PRDM5: variants seen among roughly 807,000 people sequenced by gnomAD.
PRDM5 encodes PR domain zinc finger protein 5.
PRDM5 carries 56 observed loss-of-function variants against 81.2 expected under a neutral mutation model. The ratio of observed to expected loss-of-function variants is 0.69; its 90% CI spans 0.56 to 0.86. The LOEUF is 0.86. PRDM5 is among the 40% of genes least tolerant of loss of function. The pLI is 0.00. For missense variants in PRDM5, 697 were observed against 770.1 expected (o/e 0.91, Z 1.12); for synonymous variants, 267 against 256.4 (o/e 1.04, Z -0.39).
At position 120,695,288 on chromosome 4, in the gene PRDM5, C is replaced by A. The variant is rs2148984960; in HGVS notation, c.1729-13G>T. Reference sequence around the variant, plus strand: ...CCAAATCACAAACCTAGAAAAGACCCAAAGACCAACCATATTATACTGAAA... The same window carrying A: ...CCAAATCACAAACCTAGAAAAGACCAAAAGACCAACCATATTATACTGAAA... On this transcript the variant is annotated splice_polypyrimidine_tract_variant and intron_variant, in intron 15 of 15. Coordinates refer to ENST00000264808, the MANE Select transcript of PRDM5 (RefSeq NM_018699.4). 6.2e-7 allele frequency: 1 copy of A among 1,612,886 alleles called. No homozygotes were observed. Among genetic ancestry groups the A allele is most frequent in the Non-Finnish European group, 8.5e-7 (1 of 1,179,326 alleles).
chr4:120,827,198 A>T (rs1420273781), intron 3 of PRDM5, among the ~76,000 whole-genome samples: 1 of 152,202 alleles, frequency 6.6e-6, no homozygotes, highest in Non-Finnish European at 1.5e-5. Context: ...GCTGAAAAAC[A>T]ATAGCAGTGG....
At chr4:120,729,307 C>G (rs897327376) in intron 14 of PRDM5, among the ~76,000 whole-genome samples, 3 of 152,070 alleles carry the variant, frequency 2.0e-5, no homozygotes, top group Admixed American at 6.5e-5. Flanking sequence ...AATGAATGAC[C>G]TTTACCCTTA....
chr4:120,870,751 C>A (rs1370487802), intron 2 of PRDM5, among the ~76,000 whole-genome samples: 1 of 152,182 alleles, frequency 6.6e-6, no homozygotes, highest in Admixed American at 6.5e-5. Context: ...CTCCGTGTGA[C>A]ATTTGGTGGC....
chr4:120,776,544 C>T (rs907295), intron 13 of PRDM5, among the ~76,000 whole-genome samples: 111,914 of 151,918 alleles, frequency 0.74, 41,470 homozygotes, highest in East Asian at 0.85. Flanking sequence ...AATCATCTGG[C>T]TATCAATATT....
At chr4:120,764,847 T>G (rs1746154393) in intron 13 of PRDM5, among the ~76,000 whole-genome samples, 1 of 152,220 alleles carries the variant, frequency 6.6e-6, no homozygotes, top group African/African-American at 2.4e-5. Flanking sequence ...ATATTTGATT[T>G]GGTTTAATGT....
chr4:120,803,131 A>G (rs1357392596), intron 8 of PRDM5, among the ~76,000 whole-genome samples: 1 of 152,194 alleles, frequency 6.6e-6, no homozygotes, highest in Admixed American at 6.5e-5. Context: ...AATGGATGAA[A>G]TGAAGCGAGA....
chr4:120,894,535 C>A (rs1764407272), intron 2 of PRDM5, among the ~76,000 whole-genome samples: 1 of 152,092 alleles, frequency 6.6e-6, no homozygotes, highest in Non-Finnish European at 1.5e-5. Context: ...CTTTATTTGC[C>A]TTTAAAGTTT....
At chr4:120,918,339 G>A (rs886508137) in intron 1 of PRDM5, among the ~76,000 whole-genome samples, 6 of 151,958 alleles carry the variant, frequency 3.9e-5, no homozygotes, top group Middle Eastern at 3.4e-3. Flanking sequence ...AGTTATCATC[G>A]GCCACCAGGA....
intron 1 of PRDM5, among the ~76,000 whole-genome samples, chr4:120,915,347 A>C (rs1163615435): frequency 6.6e-6 from 1 of 152,204 alleles, no homozygotes; most frequent in Non-Finnish European, 1.5e-5. Flanking sequence ...CTAAAGGAGG[A>C]ATGTGAGACA....
intron 2 of PRDM5, among the ~76,000 whole-genome samples, chr4:120,904,737 A>G (rs1208987740): frequency 3.3e-5 from 5 of 152,206 alleles, no homozygotes; most frequent in Non-Finnish European, 5.9e-5. Context: ...TGTTTCCTAT[A>G]TGCAAGTCTT....
chr4:120,835,720 C>A (rs1757279128), intron 3 of PRDM5, among the ~76,000 whole-genome samples: 1 of 151,936 alleles, frequency 6.6e-6, no homozygotes, highest in Non-Finnish European at 1.5e-5. Context: ...TTCCCAGTCT[C>A]TGGTACATCT....
chr4:120,711,220 C>T (rs4518271), intron 14 of PRDM5, among the ~76,000 whole-genome samples: 3 of 152,124 alleles, frequency 2.0e-5, no homozygotes, highest in African/African-American at 7.2e-5. Context: ...AGAGGAATTC[C>T]TAGAAATAAA....
intron 1 of PRDM5, among the ~76,000 whole-genome samples, chr4:120,909,570 TA>T (rs1766247712): frequency 6.6e-6 from 1 of 152,058 alleles, no homozygotes; most frequent in Non-Finnish European, 1.5e-5. Flanking sequence ...CTTTCCAAAG[TA>T]ACTGATCTAT....
chr4:120,839,263 C>T (rs914011714), intron 3 of PRDM5: 1 of 703,078 alleles, frequency 1.4e-6, no homozygotes, highest in African/African-American at 1.7e-5. Flanking sequence ...CGGCGGGTCC[C>T]AAATTCTTGT....
At chr4:120,804,358 C>T (rs1752594196) in intron 8 of PRDM5, among the ~76,000 whole-genome samples, 1 of 151,838 alleles carries the variant, frequency 6.6e-6, no homozygotes, top group Non-Finnish European at 1.5e-5. Flanking sequence ...ACCTAATAGA[C>T]ATCTACAGAA....
At chr4:120,788,183 G>A (rs1046204887) in intron 10 of PRDM5, among the ~76,000 whole-genome samples, 3 of 151,884 alleles carry the variant, frequency 2.0e-5, no homozygotes, top group African/African-American at 4.8e-5. Flanking sequence ...TAAATAAAAG[G>A]AAAATTCCTA....
intron 14 of PRDM5, among the ~76,000 whole-genome samples, chr4:120,753,210 T>C (rs1371802315): frequency 6.6e-6 from 1 of 152,218 alleles, no homozygotes; most frequent in Non-Finnish European, 1.5e-5. Context: ...CTGTGACAAC[T>C]GCTCACATGT....
intron 8 of PRDM5, among the ~76,000 whole-genome samples, chr4:120,805,120 C>A (rs577717948): frequency 3.9e-5 from 6 of 152,156 alleles, no homozygotes; most frequent in Non-Finnish European, 8.8e-5. Flanking sequence ...ATACATTCCT[C>A]GACACATACA....
downstream of PRDM5, among the ~76,000 whole-genome samples, chr4:120,684,671 A>G (rs1050328624): frequency 6.6e-6 from 1 of 151,932 alleles, no homozygotes; most frequent in African/African-American, 2.4e-5. Context: ...GACCAACATG[A>G]TCCTGTATTA....
Sources: allele counts gnomAD v4.1 joint callset (sites outside exome capture counted in the v4.1 genomes callset), GRCh38; gene constraint gnomAD v4.1.1; transcripts MANE v1.5; gene names NCBI Gene and HGNC (gene_info 2026-07-23, HGNC 2026-07-21).